The following GBE1 variants were observed in gnomAD, a reference collection of about 807,000 sequenced individuals.
GBE1 encodes 1,4-alpha-glucan-branching enzyme.
In GBE1, 70 loss-of-function variants were observed where a neutral mutation model predicts 88.8. The observed-to-expected ratio is 0.79, with a 90% CI of 0.65 to 0.96. The LOEUF is 0.96. Ranked by LOEUF, GBE1 falls within the 40% of genes least tolerant of loss-of-function variation. The probability of loss-of-function intolerance (pLI) is 0.00; values close to 1 mark genes in which losing one functional copy is unlikely to be tolerated. For missense variants in GBE1, 872 were observed against 871.0 expected (o/e 1.00, Z -0.01); for synonymous variants, 284 against 300.1 (o/e 0.95, Z 0.56).
At chr3:81,664,751 C>T (rs1705087430) in intron 3 of GBE1, among the ~76,000 whole-genome samples, 1 of 152,156 alleles carries the variant, frequency 6.6e-6, no homozygotes, top group Non-Finnish European at 1.5e-5. Context: ...CAGTGCAAAA[C>T]ATTACGGATT....
chr3:81,502,461 C>T (rs985837316), intron 14 of GBE1, among the ~76,000 whole-genome samples: 2 of 152,282 alleles, frequency 1.3e-5, no homozygotes, highest in Non-Finnish European at 2.9e-5. Context: ...TCACCCAGTT[C>T]TGTGTCTACA....
Position 81,594,024 on chromosome 3 carries a change from C to T in GBE1, c.993-1G>A. ...CAGAAGGAATCTTAAAATTTCCCAG[C>T]TAAAATATAAGAGAAATATGTATTT... On this transcript the variant is annotated splice_acceptor_variant, in intron 7 of 15. Transcript: ENST00000429644. LOFTEE classifies it high-confidence loss of function. The T allele has an allele frequency of 1.5e-6, 2 of 1,376,984 alleles. No individual in the cohort carries two copies. The highest frequency in any genetic ancestry group is 2.5e-5 in the South Asian group (2 of 79,688). 85.3% of individuals were successfully genotyped at this position (1,376,984 alleles called of 1,614,324 possible). A position where few individuals can be genotyped will look rare whatever the true frequency, so the allele number is the denominator to read the frequency against.
chr3:81,501,852 T>C (rs986305312), intron 14 of GBE1, among the ~76,000 whole-genome samples: 1 of 151,554 alleles, frequency 6.6e-6, no homozygotes, highest in Non-Finnish European at 1.5e-5. Flanking sequence ...CACAGACACA[T>C]GCCACCAGAC....
chr3:81,526,471 C>G (rs957610205), intron 14 of GBE1, among the ~76,000 whole-genome samples: 2 of 151,966 alleles, frequency 1.3e-5, no homozygotes, highest in Admixed American at 6.6e-5. Flanking sequence ...TCTAGAAAAC[C>G]CCATTGTCTC....
chr3:81,613,783 C>T (rs1159508073), intron 7 of GBE1, among the ~76,000 whole-genome samples: 1 of 152,154 alleles, frequency 6.6e-6, no homozygotes, highest in Non-Finnish European at 1.5e-5. Flanking sequence ...TAGGGTCTTA[C>T]TTGGTATTAA....
At chr3:81,513,211 A>T (rs1559629692) in intron 14 of GBE1, among the ~76,000 whole-genome samples, 1 of 151,688 alleles carries the variant, frequency 6.6e-6, no homozygotes, top group Admixed American at 6.6e-5. Flanking sequence ...TTTAGATCTT[A>T]AAAAAGATAA....
rs1296240959 is a variant in GBE1, at chr3:81,489,915, C to T, written c.*492G>A. On this transcript the variant is annotated 3_prime_UTR_variant, in exon 16 of 16. Coordinates refer to ENST00000429644, the MANE Select transcript of GBE1 (RefSeq NM_000158.4). ...GATATAATTCTTTATATCACTACTGCATATTTATTACAGTATTTCTAAACA... is the reference window on the plus strand; with the variant it reads ...GATATAATTCTTTATATCACTACTGTATATTTATTACAGTATTTCTAAACA... 2 of 154,666 alleles carry T rather than the reference C, an allele frequency of 1.3e-5. No individual in the cohort carries two copies. Among genetic ancestry groups the T allele is most frequent in the East Asian group, 1.9e-4 (1 of 5,206 alleles). The allele number at this position is 154,666 out of a possible 1,614,324, so 9.6% of individuals were successfully genotyped here. A position where few individuals can be genotyped will look rare whatever the true frequency, so the allele number is the denominator to read the frequency against.
At chr3:81,745,967 G>C (rs1190046970) in intron 1 of GBE1, among the ~76,000 whole-genome samples, 13 of 151,944 alleles carry the variant, frequency 8.6e-5, no homozygotes, top group Admixed American at 8.5e-4. Flanking sequence ...ATTAATATTG[G>C]AATAAACTAA....
At chr3:81,585,411 A>G (rs1703789379) in intron 10 of GBE1, among the ~76,000 whole-genome samples, 1 of 152,076 alleles carries the variant, frequency 6.6e-6, no homozygotes, top group Admixed American at 6.6e-5. Context: ...GACTCCTTAT[A>G]TATATTCAGC....
intron 2 of GBE1, among the ~76,000 whole-genome samples, chr3:81,700,740 CT>C (rs2107160843): frequency 6.6e-6 from 1 of 152,124 alleles, no homozygotes; most frequent in African/African-American, 2.4e-5. Flanking sequence ...TTAAAAACTT[CT>C]TCTTGCTATC....
chr3:81,641,366 AAAGT>A (rs1704675309), intron 7 of GBE1, among the ~76,000 whole-genome samples: 1 of 152,120 alleles, frequency 6.6e-6, no homozygotes, highest in South Asian at 2.1e-4. Flanking sequence ...TTTGCCAATA[AAAGT>A]AAGGGCAAAA....
In GBE1 at chr3:81,600,975, T is replaced by C. The variant is rs142156273; in HGVS notation, c.993-6952A>G. 6.2e-3 allele frequency among the ~76,000 whole-genome samples: 942 copies of C among 152,190 alleles called. 10 individuals are homozygous for C. The highest frequency in any genetic ancestry group is 0.021 in the African/African-American group (856 of 41,522). Reference sequence around the variant, plus strand: ...CAAGGAAAATATATAGGGTCTGCTATTGATTATATTTAAATTTCGAACATC... The same window carrying C: ...CAAGGAAAATATATAGGGTCTGCTACTGATTATATTTAAATTTCGAACATC... On this transcript the variant is annotated intron_variant, in intron 7 of 15. Transcript: ENST00000429644.
chr3:81,706,561 T>C (rs1247061211), intron 1 of GBE1, among the ~76,000 whole-genome samples: 1 of 152,138 alleles, frequency 6.6e-6, no homozygotes, highest in Admixed American at 6.6e-5. Context: ...TAAGCTTCTC[T>C]ACACCTCCCC....
chr3:81,543,673 T>C (rs1346217930), intron 12 of GBE1, among the ~76,000 whole-genome samples: 2 of 152,138 alleles, frequency 1.3e-5, no homozygotes, highest in East Asian at 3.9e-4. Flanking sequence ...ATTCAGACAG[T>C]ACAGTGAAAT....
intron 2 of GBE1, among the ~76,000 whole-genome samples, chr3:81,684,452 C>G (rs759086151): frequency 8.5e-5 from 13 of 152,160 alleles, no homozygotes; most frequent in Admixed American, 2.0e-4. Flanking sequence ...TAGCTCTCTT[C>G]CCAACTTGCA....
rs1464112150 is a variant in GBE1 at position 81,591,073 on chromosome 3, A to G, written c.1200T>C (p.Val400=). Residue 400 remains valine, a synonymous_variant, in exon 9 of 16, where the codon GTT becomes GTC. Coordinates refer to ENST00000429644, the MANE Select transcript of GBE1 (RefSeq NM_000158.4). The part of the protein sequence containing the change: ...LTYLMLANHL[V]HTLCPDSITI... ...TTATAGAATCGGGACACAGCGTGTG[A>G]ACCAAATGATTTGCCAACATGAGGT... The G allele has an allele frequency of 1.2e-6, 2 of 1,610,600 alleles. No individual in the cohort carries two copies. The highest frequency in any genetic ancestry group is 4.5e-5 in the East Asian group (2 of 44,738).
intron 2 of GBE1, among the ~76,000 whole-genome samples, chr3:81,675,461 T>A (rs1490928784): frequency 6.6e-6 from 1 of 151,902 alleles, no homozygotes; most frequent in Non-Finnish European, 1.5e-5. Flanking sequence ...GAAATGATAA[T>A]CAGAACATGA....
intron 12 of GBE1, among the ~76,000 whole-genome samples, chr3:81,571,166 G>A (rs1422528831): frequency 6.6e-6 from 1 of 152,164 alleles, no homozygotes; most frequent in Admixed American, 6.5e-5. Flanking sequence ...ATGTCCCATA[G>A]CGTTATCTGC....
rs570036674 is a variant in GBE1 at position 81,549,587 on chromosome 3, C to T, written c.1619-12492G>A. 6.6e-5 allele frequency among the ~76,000 whole-genome samples: 10 copies of T among 151,392 alleles called. No individual in the cohort carries two copies. In the South Asian group the frequency reaches 2.1e-3, roughly 32 times the overall value. ...CAACGAATGTCACTTTCTGATAAGCCCAGGAGCCCCAAGCTATCTTGTGAC... is the reference window on the plus strand; with the variant it reads ...CAACGAATGTCACTTTCTGATAAGCTCAGGAGCCCCAAGCTATCTTGTGAC... On this transcript the variant is annotated intron_variant, in intron 12 of 15. Transcript: ENST00000429644.
Sources: allele counts gnomAD v4.1 joint callset (sites outside exome capture counted in the v4.1 genomes callset), GRCh38; gene constraint gnomAD v4.1.1; transcripts MANE v1.5; gene names NCBI Gene and HGNC (gene_info 2026-07-23, HGNC 2026-07-21).